ICOS: variants seen among roughly 807,000 people sequenced by gnomAD.
ICOS encodes inducible T-cell costimulator.
In ICOS, 15 loss-of-function variants were observed where a neutral mutation model predicts 24.6. The observed-to-expected ratio is 0.61, with a 90% CI of 0.41 to 0.94. ICOS has a LOEUF of 0.94. Among genes scored for constraint, ICOS ranks in the 40% least tolerant of loss-of-function variants. The pLI is 0.00. For missense variants in ICOS, 200 were observed against 233.0 expected, an observed-to-expected ratio of 0.86 and a Z score of 0.92; for synonymous variants, 89 against 77.5, an observed-to-expected ratio of 1.15 and a Z score of -0.78.
chr2:203,958,748 A>T (rs576929092), intron 4 of ICOS, among the ~76,000 whole-genome samples: 72 of 150,960 alleles, frequency 4.8e-4, no homozygotes, highest in Middle Eastern at 6.8e-3. Context: ...CAAAGTGTTC[A>T]GTGACTCTTT....
chr2:203,953,786 T>C (rs935640115), intron 1 of ICOS, among the ~76,000 whole-genome samples: 9 of 152,202 alleles, frequency 5.9e-5, no homozygotes, highest in Non-Finnish European at 1.3e-4. Flanking sequence ...TAACAAATTA[T>C]GATAGATTAA....
chr2:203,940,337 T>C (rs1419859606), intron 1 of ICOS, among the ~76,000 whole-genome samples: 2 of 152,246 alleles, frequency 1.3e-5, no homozygotes, highest in East Asian at 3.8e-4. Flanking sequence ...ATTTCTCTTC[T>C]GTTTCAAGAA....
intron 4 of ICOS, 58 bp downstream of exon 4, chr2:203,957,941 A>T: frequency 9.5e-7 from 1 of 1,057,516 alleles, no homozygotes; most frequent in South Asian, 1.4e-5. Context: ...TAAGCCTGGA[A>T]TGTTAATTTT....
In ICOS at chr2:203,941,927, T is replaced by C. The variant is rs116745288; in HGVS notation, c.58+5055T>C. Among the ~76,000 whole-genome samples, 478 of 152,242 alleles carry C rather than the reference T, an allele frequency of 3.1e-3. 6 individuals carry two copies. Among genetic ancestry groups the C allele is most frequent in the African/African-American group, 0.011 (457 of 41,524 alleles). ...TTTGCAAGTTTAGAGAGTCAGAAACTGGGGATATGAACTTCCTTCTGGTTC... is the reference window on the plus strand; with the variant it reads ...TTTGCAAGTTTAGAGAGTCAGAAACCGGGGATATGAACTTCCTTCTGGTTC... On this transcript the variant is annotated intron_variant, in intron 1 of 4. Coordinates refer to ENST00000316386, the MANE Select transcript of ICOS (RefSeq NM_012092.4).
intron 1 of ICOS, among the ~76,000 whole-genome samples, chr2:203,954,267 T>C (rs1033335508): frequency 5.9e-5 from 9 of 152,190 alleles, no homozygotes; most frequent in African/African-American, 1.9e-4. Flanking sequence ...CTTGGCTTCC[T>C]ATAAGCATAA....
intron 1 of ICOS, among the ~76,000 whole-genome samples, chr2:203,945,711 A>T (rs1689855404): frequency 6.6e-6 from 1 of 152,188 alleles, no homozygotes; most frequent in Non-Finnish European, 1.5e-5. Context: ...AAATTTCTGT[A>T]TTATAATCTT....
intron 1 of ICOS, among the ~76,000 whole-genome samples, chr2:203,953,958 T>C (rs902009486): frequency 1.3e-5 from 2 of 152,214 alleles, no homozygotes; most frequent in Non-Finnish European, 2.9e-5. Context: ...CAAATAGTAT[T>C]TCTATTTCAC....
At chr2:203,959,058 G>C (rs1690125164) in intron 4 of ICOS, among the ~76,000 whole-genome samples, 1 of 152,154 alleles carries the variant, frequency 6.6e-6, no homozygotes, top group Non-Finnish European at 1.5e-5. Flanking sequence ...GACTTCATTG[G>C]ACCTCTGAGA....
intron 1 of ICOS, among the ~76,000 whole-genome samples, chr2:203,942,402 A>T (rs1228192600): frequency 6.6e-6 from 1 of 152,232 alleles, no homozygotes; most frequent in Non-Finnish European, 1.5e-5. Flanking sequence ...CTACAGGCAG[A>T]TAAGTGATGG....
At chr2:203,950,610 A>C (rs1689951852) in intron 1 of ICOS, among the ~76,000 whole-genome samples, 1 of 152,234 alleles carries the variant, frequency 6.6e-6, no homozygotes, top group South Asian at 2.1e-4. Flanking sequence ...ATAGTTAAAA[A>C]CATTCGAACT....
intron 1 of ICOS, among the ~76,000 whole-genome samples, chr2:203,952,026 G>A (rs927552498): frequency 1.3e-5 from 2 of 151,652 alleles, no homozygotes; most frequent in Non-Finnish European, 2.9e-5. Flanking sequence ...AAACATACTT[G>A]TTATTATAAA....
intron 1 of ICOS, among the ~76,000 whole-genome samples, chr2:203,953,002 C>G (rs748443447): frequency 3.9e-5 from 6 of 152,080 alleles, no homozygotes; most frequent in Non-Finnish European, 7.4e-5. Flanking sequence ...TTTTTACTTT[C>G]AAAAGCTGAA....
At chr2:203,950,255 G>T (rs1689946307) in intron 1 of ICOS, among the ~76,000 whole-genome samples, 1 of 152,210 alleles carries the variant, frequency 6.6e-6, no homozygotes. Context: ...CCTTCTTTCT[G>T]GTGGGGACAC....
chr2:203,959,586 A>G lies in ICOS; in HGVS notation c.587A>G (p.Asp196Gly). ...VNTAKKSRLTDVTL is the reference protein window; with the variant it reads ...VNTAKKSRLTGVTL ...AATTTATGCTGAATTTTTGTTACAG[A>G]TGTGACCCTATAATATGGAACTCTG... The change falls in exon 5 of 5, where the codon GAT (aspartate) becomes GGT (glycine). Residue 196 changes from aspartate (D) to glycine (G), a missense_variant and splice_region_variant. Asp to Gly is a moderately conservative substitution (Grantham distance 94). Transcript: ENST00000316386. 1 of 1,613,130 alleles carries G rather than the reference A, an allele frequency of 6.2e-7. No individual in the cohort carries two copies. Among genetic ancestry groups the G allele is most frequent in the Non-Finnish European group, 8.5e-7 (1 of 1,179,192 alleles).
rs10183087 is a variant in ICOS at position 203,959,601 on chromosome 2, A to C, written c.*2A>C. 415,432 of 1,608,482 alleles carry C rather than the reference A, an allele frequency of 0.26. 56,426 individuals carry two copies. The highest frequency in any genetic ancestry group is 0.42 in the African/African-American group (31,100 of 74,524). On this transcript the variant is annotated 3_prime_UTR_variant, in exon 5 of 5. Coordinates refer to ENST00000316386, the MANE Select transcript of ICOS (RefSeq NM_012092.4). ...TTTGTTACAGATGTGACCCTATAATATGGAACTCTGGCACCCAGGCATGAA... is the reference window on the plus strand; with the variant it reads ...TTTGTTACAGATGTGACCCTATAATCTGGAACTCTGGCACCCAGGCATGAA...
chr2:203,944,070 C>T (rs1205295991), intron 1 of ICOS, among the ~76,000 whole-genome samples: 2 of 152,204 alleles, frequency 1.3e-5, no homozygotes, highest in African/African-American at 4.8e-5. Flanking sequence ...CTTTCTGCCT[C>T]CCAGCTGTGA....
intron 1 of ICOS, among the ~76,000 whole-genome samples, chr2:203,944,662 A>C (rs1268187304): frequency 1.3e-5 from 2 of 152,078 alleles, no homozygotes; most frequent in Non-Finnish European, 2.9e-5. Context: ...AGGTCCTGGG[A>C]TTTTTTAGGC....
At position 203,959,921 on chromosome 2, in the gene ICOS, A is replaced by G. The variant is rs1690147672; in HGVS notation, c.*322A>G. The stretch of plus-strand genomic sequence containing the variant: ...GTGCATCAGCCAGTAAAACAAACAC[A>G]TTTACAAGAAAAATGTTTTAAAGAT... On this transcript the variant is annotated 3_prime_UTR_variant, in exon 5 of 5. Coordinates refer to ENST00000316386, the MANE Select transcript of ICOS (RefSeq NM_012092.4). The G allele has an allele frequency of 2.2e-6, 1 of 450,838 alleles. No individual in the cohort carries two copies. Among genetic ancestry groups the G allele is most frequent in the South Asian group, 2.3e-5 (1 of 44,000 alleles). 27.9% of individuals were successfully genotyped at this position (450,838 alleles called of 1,614,324 possible).
intron 1 of ICOS, among the ~76,000 whole-genome samples, chr2:203,949,767 C>G (rs1216740592): frequency 6.6e-6 from 1 of 152,104 alleles, no homozygotes; most frequent in East Asian, 1.9e-4. Flanking sequence ...CAATTTTTAA[C>G]TACTGGTATG....
Sources: allele counts gnomAD v4.1 joint callset (sites outside exome capture counted in the v4.1 genomes callset), GRCh38; gene constraint gnomAD v4.1.1; transcripts MANE v1.5; gene names NCBI Gene and HGNC (gene_info 2026-07-23, HGNC 2026-07-21).